Variants in CELF5 observed in about 807,000 individuals in gnomAD.
CELF5 encodes CUG-BP and ETR-3 like factor 5.
In CELF5, 6 loss-of-function variants were observed where a neutral mutation model predicts 54.9. The observed-to-expected ratio is 0.11, with a 90% CI of 0.06 to 0.22. The LOEUF (loss-of-function observed/expected upper bound fraction) is 0.22, where lower values mean the gene tolerates loss of function less well. Among genes scored for constraint, CELF5 ranks in the 10% least tolerant of loss-of-function variants. The pLI is 1.00. For missense variants in CELF5, 401 were observed against 678.6 expected (o/e 0.59, Z 4.54); for synonymous variants, 271 against 290.9 (o/e 0.93, Z 0.70).
At chr19:3,288,124 C>T (rs150431067) in intron 10 of CELF5, among the ~76,000 whole-genome samples, 85 of 152,270 alleles carry the variant, frequency 5.6e-4, no homozygotes, top group South Asian at 1.7e-3. Context: ...TGTTTTTCAG[C>T]GGTCGCCCAC....
chr19:3,278,094 G>T lies in CELF5; in HGVS notation c.587G>T (p.Gly196Val). ...EAQAAIHALH[G>V]SQTMPGASSS... is the part of the protein sequence containing the mutation. ...CAGGCGGCCATCCACGCCTTGCATG[G>T]GAGCCAGACCATGCCGGTGAGTTGG... The change falls in exon 5 of 13, where the codon GGG (glycine) becomes GTG (valine). Residue 196 changes from glycine (G) to valine (V), a missense_variant. Physicochemically the swap from Gly to Val is moderately radical, Grantham distance 109. Around this residue, in one of 6 missense-constraint regions of CELF5, gnomAD observed 87 missense variants for 190.2 expected, o/e 0.46. Transcript: ENST00000292672. This position sits in a 1 kb window ranked among gnomAD's most constrained non-coding sequence, Gnocchi z 4.5. 1 of 1,611,854 alleles carries T rather than the reference G, an allele frequency of 6.2e-7. No homozygotes were observed.
At chr19:3,288,332 G>C (rs2080286848) in intron 10 of CELF5, among the ~76,000 whole-genome samples, 1 of 151,894 alleles carries the variant, frequency 6.6e-6, no homozygotes, top group Non-Finnish European at 1.5e-5. Flanking sequence ...GACCAGCCTG[G>C]ACAACATGGC....
intron 2 of CELF5, among the ~76,000 whole-genome samples, chr19:3,260,380 C>T (rs2079791238): frequency 6.6e-6 from 1 of 152,172 alleles, no homozygotes. Flanking sequence ...AAATGATCCC[C>T]CTGCCTCAGC....
intron 2 of CELF5, among the ~76,000 whole-genome samples, chr19:3,252,243 C>T (rs993992494): frequency 6.6e-6 from 1 of 151,928 alleles, no homozygotes; most frequent in Non-Finnish European, 1.5e-5. Flanking sequence ...ATTATATTGC[C>T]CGGGCTGATC....
At position 3,284,936 on chromosome 19, in the gene CELF5, T is replaced by C. The variant is rs2080211172; in HGVS notation, c.1074T>C (p.Pro358=). 1 of 1,612,648 alleles carries C rather than the reference T, an allele frequency of 6.2e-7. No homozygotes were observed. The highest frequency in any genetic ancestry group is 1.3e-5 in the African/African-American group (1 of 74,846). The part of the protein sequence containing the change: ...QSPTVAETLH[P]AFSGVQQYTA... Reference sequence around the variant, plus strand: ...CGACTGTGGCCGAGACACTGCATCCTGCCTTCTCCGGAGTCCAGCAGTACA... The same window carrying C: ...CGACTGTGGCCGAGACACTGCATCCCGCCTTCTCCGGAGTCCAGCAGTACA... The change falls in exon 9 of 13, where the codon CCT becomes CCC. Residue 358 remains proline (P), a synonymous_variant. Coordinates refer to ENST00000292672, the MANE Select transcript of CELF5 (RefSeq NM_021938.4).
At chr19:3,232,284 G>A (rs565576623) in intron 1 of CELF5, among the ~76,000 whole-genome samples, 3 of 152,220 alleles carry the variant, frequency 2.0e-5, no homozygotes, top group Non-Finnish European at 2.9e-5. Context: ...GCCAGGCGTG[G>A]TAGCTCACAC....
rs185227611 is a variant in CELF5, at chr19:3,248,588, G to A, written c.260-2397G>A. Among the ~76,000 whole-genome samples, 122 of 152,100 alleles carry A rather than the reference G, an allele frequency of 8.0e-4. No homozygotes were observed. In the South Asian group the frequency reaches 9.4e-3, roughly 12 times the overall value. On this transcript the variant is annotated intron_variant, in intron 1 of 12. Transcript: ENST00000292672. ...TGGATAATATTCCACTGTGTGGGTC[G>A]ACCGTATTGTATCGATCCCTTCATC...
intron 10 of CELF5, among the ~76,000 whole-genome samples, chr19:3,289,727 TG>T (rs1168280560): frequency 3.0e-5 from 4 of 132,236 alleles, no homozygotes; most frequent in Non-Finnish European, 6.3e-5. Flanking sequence ...TAGCAACGCA[TG>T]GTGGCTGAAC....
intron 8 of CELF5, 150 bp from the exon 9 acceptor site, chr19:3,284,752 C>T (rs2080206026): frequency 7.4e-6 from 5 of 679,638 alleles, no homozygotes; most frequent in Admixed American, 7.0e-5. Context: ...TCACCTTCCT[C>T]GGCCTCAGCT....
chr19:3,293,970 C>T (rs1352279959), intron 12 of CELF5: 1 of 156,194 alleles, frequency 6.4e-6, no homozygotes, highest in Non-Finnish European at 1.4e-5. Flanking sequence ...AAGGTGGGGA[C>T]AGTGCTCAGG....
rs2080040904 is a variant in CELF5, at chr19:3,275,916, G to A, written c.455G>A (p.Arg152Gln). Residue 152 changes from arginine to glutamine, a missense_variant, in exon 4 of 13, where the codon CGG (arginine) becomes CAG (glutamine). Coordinates refer to ENST00000292672, the MANE Select transcript of CELF5 (RefSeq NM_021938.4). This position sits in a 1 kb window ranked among gnomAD's most constrained non-coding sequence, Gnocchi z 6.7. ...CAGCAGTCGGAGGAGGACGTGCTGC[G>A]GCTGTTCCAGCCCTTCGGGGTCATT... ...NKQQSEEDVL[R>Q]LFQPFGVIDE... 1.2e-6 allele frequency: 2 copies of A among 1,612,256 alleles called. No individual in the cohort carries two copies. The highest frequency in any genetic ancestry group is 1.7e-5 in the Admixed American group (1 of 59,974).
intron 8 of CELF5, among the ~76,000 whole-genome samples, chr19:3,283,384 T>C (rs1385811456): frequency 6.6e-6 from 1 of 152,242 alleles, no homozygotes; most frequent in Non-Finnish European, 1.5e-5. Flanking sequence ...AGTGTCTCAC[T>C]GTGTCACTCA....
chr19:3,282,591 C>T lies in CELF5; in HGVS notation c.1039+93C>T. On this transcript the variant is annotated intron_variant, in intron 8 of 12. Coordinates refer to ENST00000292672, the MANE Select transcript of CELF5 (RefSeq NM_021938.4). This position sits in a 1 kb window ranked among gnomAD's most constrained non-coding sequence, Gnocchi z 5.2. ...GTATGAGTCCCTACATCACAGTGCC[C>T]AGGGAACAGAAGGGCAGGAAAAAGG... The T allele has an allele frequency of 7.0e-7, 1 of 1,419,342 alleles. No individual in the cohort carries two copies. Among genetic ancestry groups the T allele is most frequent in the Non-Finnish European group, 9.5e-7 (1 of 1,048,742 alleles). 87.9% of individuals were successfully genotyped at this position (1,419,342 alleles called of 1,614,324 possible).
chr19:3,261,105 G>C (rs781494601), intron 2 of CELF5, among the ~76,000 whole-genome samples: 1 of 152,000 alleles, frequency 6.6e-6, no homozygotes, highest in Non-Finnish European at 1.5e-5. Context: ...TGCACCTACA[G>C]ATCAAGGGTT....
intron 11 of CELF5, 73 bp from the exon 12 acceptor site, chr19:3,293,246 C>G (rs1408510306): frequency 2.5e-6 from 4 of 1,586,450 alleles, no homozygotes; most frequent in Non-Finnish European, 3.4e-6. Context: ...GCCGGGAAGC[C>G]AGGGCCACAG....
intron 9 of CELF5, 25 bp from the exon 10 acceptor site, chr19:3,285,917 C>CT: frequency 6.5e-7 from 1 of 1,542,948 alleles, no homozygotes; most frequent in Non-Finnish European, 8.7e-7. Flanking sequence ...CCTCCTCGCC[C>CT]TGTGTCTCGC....
intron 10 of CELF5, 157 bp downstream of exon 10, chr19:3,286,182 T>C: frequency 1.8e-6 from 1 of 565,362 alleles, no homozygotes; most frequent in South Asian, 2.5e-5. Flanking sequence ...GTGCAGCCGC[T>C]GACCCCTGGG....
At chr19:3,250,948 C>T (rs774157754) in intron 1 of CELF5, 37 bp from the exon 2 acceptor site, 6 of 1,507,488 alleles carry the variant, frequency 4.0e-6, no homozygotes, top group East Asian at 2.3e-5. Flanking sequence ...TGGGTGTGCC[C>T]GTGCTCTCTT....
chr19:3,250,884 G>GCCGTATCATTACAA, intron 1 of CELF5, 101 bp from the exon 2 acceptor site: 1 of 583,602 alleles, frequency 1.7e-6, no homozygotes, highest in Non-Finnish European at 3.0e-6. Context: ...TCTGTGGATG[G>GCCGTATCATTACAA]AAGCTTGGGT....
Sources: gnomAD v4.1 joint callset for allele counts (sites outside exome capture counted in the v4.1 genomes callset) on GRCh38, gnomAD v4.1.1 for gene constraint, gnomAD v4.1.1 regional missense constraint, Gnocchi (gnomAD v3.1) non-coding constraint, MANE v1.5 for transcripts, NCBI Gene and HGNC (gene_info 2026-07-23, HGNC 2026-07-21) for gene names.